CHSY3: variants seen among roughly 807,000 people sequenced by gnomAD.
CHSY3 encodes the protein N-acetylgalactosaminyl-proteoglycan 3-beta-glucuronosyltransferase 3.
Under a neutral mutation model 67.2 loss-of-function variants are expected in CHSY3, and 35 were observed. The observed-to-expected ratio is 0.52, with a 90% CI of 0.40 to 0.69. The LOEUF (loss-of-function observed/expected upper bound fraction) is 0.69, where lower values mean the gene tolerates loss of function less well. Ranked by LOEUF, CHSY3 falls within the 30% of genes least tolerant of loss-of-function variation. CHSY3 has a pLI of 0.00. For missense variants in CHSY3, 1,069 were observed against 1,138.5 expected (o/e 0.94, Z 0.88); for synonymous variants, 474 against 434.7 (o/e 1.09, Z -1.12).
intron 2 of CHSY3, among the ~76,000 whole-genome samples, chr5:130,000,638 T>C (rs1763693819): frequency 6.7e-6 from 1 of 150,274 alleles, no homozygotes; most frequent in African/African-American, 2.4e-5. Context: ...AGTGGCACAA[T>C]CATGCTTCAC....
At chr5:130,050,423 C>A (rs1019581888) in intron 2 of CHSY3, among the ~76,000 whole-genome samples, 7 of 152,196 alleles carry the variant, frequency 4.6e-5, no homozygotes, top group African/African-American at 1.7e-4. Flanking sequence ...TATGTCTACA[C>A]AAAGAATACA....
At chr5:129,997,463 T>C (rs1763574262) in intron 2 of CHSY3, among the ~76,000 whole-genome samples, 1 of 152,310 alleles carries the variant, frequency 6.6e-6, no homozygotes, top group Non-Finnish European at 1.5e-5. Context: ...AAATAATCAA[T>C]AACTTAATTG....
At chr5:130,131,748 C>T (rs959835323) in intron 2 of CHSY3, among the ~76,000 whole-genome samples, 2 of 152,128 alleles carry the variant, frequency 1.3e-5, no homozygotes, top group Non-Finnish European at 2.9e-5. Context: ...CCCGTTCAAC[C>T]TCATGATATC....
chr5:130,123,455 C>G (rs1384495218), intron 2 of CHSY3, among the ~76,000 whole-genome samples: 1 of 152,130 alleles, frequency 6.6e-6, no homozygotes. Context: ...ACCTAGATCC[C>G]TTGCATGCAC....
chr5:129,989,064 T>C (rs1392170837), intron 2 of CHSY3, among the ~76,000 whole-genome samples: 2 of 152,178 alleles, frequency 1.3e-5, no homozygotes, highest in African/African-American at 4.8e-5. Context: ...TTAGTTCCTG[T>C]CTTAGTTTGT....
intron 2 of CHSY3, among the ~76,000 whole-genome samples, chr5:129,928,491 A>G (rs1761189633): frequency 6.6e-6 from 1 of 152,018 alleles, no homozygotes; most frequent in South Asian, 2.1e-4. Context: ...TCTCTGCATC[A>G]TTTTAACACT....
At chr5:129,940,169 C>A (rs1180853682) in intron 2 of CHSY3, among the ~76,000 whole-genome samples, 1 of 152,046 alleles carries the variant, frequency 6.6e-6, no homozygotes, top group Non-Finnish European at 1.5e-5. Flanking sequence ...AGTGTCTCTA[C>A]ACAGAGTATA....
intron 2 of CHSY3, among the ~76,000 whole-genome samples, chr5:130,010,139 A>G (rs542840831): frequency 1.3e-5 from 2 of 152,062 alleles, no homozygotes; most frequent in African/African-American, 4.8e-5. Context: ...AAATGTGCCT[A>G]ACATCCACAG....
At chr5:129,946,634 C>A (rs1042272397) in intron 2 of CHSY3, among the ~76,000 whole-genome samples, 1 of 152,178 alleles carries the variant, frequency 6.6e-6, no homozygotes, top group Non-Finnish European at 1.5e-5. Context: ...CTGATAACCA[C>A]GTTTCTGCCA....
chr5:129,933,465 A>G (rs1301017559), intron 2 of CHSY3, among the ~76,000 whole-genome samples: 1 of 150,690 alleles, frequency 6.6e-6, no homozygotes, highest in Non-Finnish European at 1.5e-5. Flanking sequence ...TTTAATAACA[A>G]ATTTCTAAAT....
At chr5:129,995,044 TA>T (rs896287216) in intron 2 of CHSY3, among the ~76,000 whole-genome samples, 70 of 151,776 alleles carry the variant, frequency 4.6e-4, no homozygotes, top group Non-Finnish European at 8.0e-4. Flanking sequence ...ACTTAAAGTA[TA>T]AAAAAAAATT....
intron 2 of CHSY3, among the ~76,000 whole-genome samples, chr5:129,971,837 A>T (rs1449812720): frequency 6.6e-6 from 1 of 152,026 alleles, no homozygotes. Context: ...GAGATAGTCT[A>T]AAATTAGACA....
intron 2 of CHSY3, among the ~76,000 whole-genome samples, chr5:130,133,966 A>T (rs1227063745): frequency 1.3e-5 from 2 of 152,142 alleles, no homozygotes; most frequent in Non-Finnish European, 2.9e-5. Flanking sequence ...GATTATTCTA[A>T]CAACAGTTAT....
At chr5:129,973,257 T>A (rs1340129640) in intron 2 of CHSY3, among the ~76,000 whole-genome samples, 1 of 152,094 alleles carries the variant, frequency 6.6e-6, no homozygotes, top group Non-Finnish European at 1.5e-5. Flanking sequence ...AAAGAACATA[T>A]TATCCTTGTA....
chr5:130,076,210 G>C (rs1196974180), intron 2 of CHSY3, among the ~76,000 whole-genome samples: 17 of 151,934 alleles, frequency 1.1e-4, no homozygotes, highest in Non-Finnish European at 4.4e-5. Context: ...ATCTAACTAA[G>C]ATGCAGCCTT....
intron 2 of CHSY3, among the ~76,000 whole-genome samples, chr5:130,099,090 C>A (rs1029119466): frequency 6.6e-6 from 1 of 152,172 alleles, no homozygotes; most frequent in Non-Finnish European, 1.5e-5. Flanking sequence ...ATTGGTAAAT[C>A]AACACATTTA....
intron 2 of CHSY3, among the ~76,000 whole-genome samples, chr5:129,946,178 G>A (rs1018907554): frequency 9.9e-5 from 15 of 152,172 alleles, no homozygotes; most frequent in Admixed American, 6.5e-4. Flanking sequence ...GTTAAATAGT[G>A]CAGTTGAAGA....
chr5:130,164,817 A>C lies in CHSY3; in HGVS notation c.1087-19412A>C, dbSNP rs1769686976. Among the ~76,000 whole-genome samples the C allele has an allele frequency of 1.3e-5, 2 of 152,184 alleles. 1 individual carries two copies. The highest frequency in any genetic ancestry group is 4.1e-4 in the South Asian group (2 of 4,832). ...ATGTAAAATTATAATTTGATTAAAT[A>C]GTGAGGAAAAAATGGCACCTAGTAC... is the stretch of plus-strand genomic sequence containing the variant. On this transcript the variant is annotated intron_variant, in intron 2 of 2. Coordinates refer to ENST00000305031, the MANE Select transcript of CHSY3 (RefSeq NM_175856.5).
intron 2 of CHSY3, among the ~76,000 whole-genome samples, chr5:130,020,303 C>G (rs562794896): frequency 2.6e-5 from 4 of 151,204 alleles, no homozygotes; most frequent in African/African-American, 4.9e-5. Context: ...TGCCTGTAGT[C>G]CAGCTACTCG....
Sources: allele counts gnomAD v4.1 joint callset (sites outside exome capture counted in the v4.1 genomes callset), GRCh38; gene constraint gnomAD v4.1.1; transcripts MANE v1.5; gene names NCBI Gene and HGNC (gene_info 2026-07-23, HGNC 2026-07-21).